The following PARP11 variants were observed in gnomAD, a reference collection of about 807,000 sequenced individuals.
The protein encoded by PARP11 is protein mono-ADP-ribosyltransferase PARP11.
A neutral mutation model predicts 42.9 loss-of-function variants in PARP11; 31 were observed. That is an observed-to-expected ratio of 0.72 (90% confidence interval 0.54 to 0.98). PARP11 has a LOEUF of 0.98. Ranked by LOEUF, PARP11 falls within the 50% of genes least tolerant of loss-of-function variation. The pLI, the probability that PARP11 is intolerant of heterozygous loss-of-function variation, is 0.00. For missense variants in PARP11, 365 were observed against 413.1 expected, an observed-to-expected ratio of 0.88 and a Z score of 1.01; for synonymous variants, 137 against 127.3, an observed-to-expected ratio of 1.08 and a Z score of -0.51.
At chr12:3,829,069 C>A in intron 2 of PARP11, 39 bp from the exon 3 acceptor site, 2 of 1,610,832 alleles carry the variant, frequency 1.2e-6, no homozygotes, top group South Asian at 2.2e-5. Flanking sequence ...ACCAGCTGTT[C>A]ACATTAATGA....
At chr12:3,839,537 T>C in intron 1 of PARP11, 2 of 1,571,012 alleles carry the variant, frequency 1.3e-6, no homozygotes, top group Non-Finnish European at 1.8e-6. Context: ...AGAGAGAAAT[T>C]TGAAGCGATT....
intron 1 of PARP11, among the ~76,000 whole-genome samples, chr12:3,870,951 AC>A (rs1948466952): frequency 6.6e-6 from 1 of 152,254 alleles, no homozygotes; most frequent in Non-Finnish European, 1.5e-5. Flanking sequence ...AAAATCAAAT[AC>A]AAGTAATTAC....
At chr12:3,833,822 C>T (rs763230070) in intron 1 of PARP11, among the ~76,000 whole-genome samples, 6 of 152,114 alleles carry the variant, frequency 3.9e-5, no homozygotes, top group African/African-American at 9.7e-5. Flanking sequence ...CCTCTACCTG[C>T]GGTATATGTA....
intron 1 of PARP11, among the ~76,000 whole-genome samples, chr12:3,838,364 A>T (rs1947807351): frequency 6.6e-6 from 1 of 152,154 alleles, no homozygotes; most frequent in African/African-American, 2.4e-5. Context: ...CTAGCCAATG[A>T]AGAAATTAAG....
At chr12:3,858,969 C>T (rs763816578) in intron 1 of PARP11, among the ~76,000 whole-genome samples, 6 of 151,088 alleles carry the variant, frequency 4.0e-5, no homozygotes, top group Non-Finnish European at 7.4e-5. Context: ...TGGTGGTAGG[C>T]GCCTGTAATC....
In PARP11 at chr12:3,821,994, G is replaced by A; in HGVS notation, c.427C>T (p.Leu143=). 6.2e-7 allele frequency: 1 copy of A among 1,608,708 alleles called. No individual in the cohort carries two copies. Among genetic ancestry groups the A allele is most frequent in the Non-Finnish European group, 8.5e-7 (1 of 1,178,060 alleles). Residue 143 remains leucine, a synonymous_variant, in exon 6 of 8, where the codon CTG becomes TTG. Coordinates refer to ENST00000228820, the MANE Select transcript of PARP11 (RefSeq NM_020367.6). The part of the protein sequence containing the change: ...NTQVPYQLIP[L]HNQTHEYNEV... Reference sequence around the variant, plus strand: ...TTATATTCATGTGTTTGATTGTGCAGAGGAATAAGCTGGAAAAATAAATTT... The same window carrying A: ...TTATATTCATGTGTTTGATTGTGCAAAGGAATAAGCTGGAAAAATAAATTT...
chr12:3,834,002 C>A (rs901770725), intron 1 of PARP11, among the ~76,000 whole-genome samples: 3 of 152,150 alleles, frequency 2.0e-5, no homozygotes, highest in African/African-American at 7.2e-5. Context: ...CCTACACAGC[C>A]CCCATTCAAA....
chr12:3,826,972 T>C (rs1028903229), intron 3 of PARP11, among the ~76,000 whole-genome samples: 5 of 152,356 alleles, frequency 3.3e-5, no homozygotes, highest in East Asian at 3.9e-4. Flanking sequence ...AAAATGATTA[T>C]GTTTACCCAC....
At chr12:3,841,708 C>A (rs1947891924) in intron 1 of PARP11, 2 of 1,612,912 alleles carry the variant, frequency 1.2e-6, no homozygotes, top group East Asian at 4.5e-5. Flanking sequence ...TGGACCCAAT[C>A]CATTCTTAGG....
At chr12:3,824,293 T>C (rs1245620971) in intron 4 of PARP11, among the ~76,000 whole-genome samples, 2 of 152,224 alleles carry the variant, frequency 1.3e-5, no homozygotes, top group Non-Finnish European at 1.5e-5. Context: ...TAAAAGTACT[T>C]CATATAATAT....
intron 6 of PARP11, among the ~76,000 whole-genome samples, chr12:3,817,294 T>TG (rs1185929580): frequency 6.6e-6 from 1 of 151,934 alleles, no homozygotes; most frequent in African/African-American, 2.4e-5. Context: ...AAATAAACTG[T>TG]GGGTTAAAGG....
chr12:3,826,393 C>T (rs1043257842), intron 3 of PARP11, among the ~76,000 whole-genome samples, 160 bp from the exon 4 acceptor site: 3 of 152,232 alleles, frequency 2.0e-5, no homozygotes, highest in African/African-American at 7.2e-5. Context: ...ATGCAGCTAG[C>T]TATGTACCAC....
At chr12:3,825,647 A>C (rs902388396) in intron 4 of PARP11, among the ~76,000 whole-genome samples, 1 of 152,244 alleles carries the variant, frequency 6.6e-6, no homozygotes, top group African/African-American at 2.4e-5. Flanking sequence ...GAAAAGGATA[A>C]CATGAAAGGA....
At chr12:3,813,929 A>ATATATTTG (rs1947231706) in intron 7 of PARP11, 108 bp downstream of exon 7, 2 of 707,204 alleles carry the variant, frequency 2.8e-6, no homozygotes, top group Non-Finnish European at 4.4e-6. Context: ...TTGTTTTATC[A>ATATATTTG]TTCTCTATAT....
intron 1 of PARP11, among the ~76,000 whole-genome samples, chr12:3,846,663 A>T (rs117755625): frequency 6.6e-6 from 1 of 151,956 alleles, no homozygotes; most frequent in Non-Finnish European, 1.5e-5. Flanking sequence ...AGGCTGAATC[A>T]GGAAAATGGC....
At position 3,840,648 on chromosome 12, in the gene PARP11, A is replaced by C; in HGVS notation, c.19-10630T>G. ...TCTCAGAGTAGCAATCCATGTGTCCAGAGAAAATCATCACACGTAAGTGAT... is the reference window on the plus strand; with the variant it reads ...TCTCAGAGTAGCAATCCATGTGTCCCGAGAAAATCATCACACGTAAGTGAT... On this transcript the variant is annotated intron_variant, in intron 1 of 7. Transcript: ENST00000228820. The surrounding 1 kb of genome is among the most constrained non-coding windows in gnomAD (Gnocchi z 4.4). 4 of 1,202,878 alleles carry C rather than the reference A, an allele frequency of 3.3e-6. No individual in the cohort carries two copies. Among genetic ancestry groups the C allele is most frequent in the Non-Finnish European group, 5.0e-6 (4 of 804,418 alleles). The allele number at this position is 1,202,878 out of a possible 1,614,324, so 74.5% of individuals were successfully genotyped here.
intron 1 of PARP11, among the ~76,000 whole-genome samples, chr12:3,851,786 A>C (rs887785113): frequency 6.6e-6 from 1 of 152,216 alleles, no homozygotes; most frequent in Non-Finnish European, 1.5e-5. Flanking sequence ...TTTGAGCTCC[A>C]AGAATGGACA....
At position 3,873,314 on chromosome 12, in the gene PARP11, G is replaced by GT. The variant is rs1468421578; in HGVS notation, c.-86dup. 5.3e-6 allele frequency: 7 copies of GT among 1,321,754 alleles called. No homozygotes were observed. The highest frequency in any genetic ancestry group is 7.5e-6 in the Non-Finnish European group (7 of 938,688). 81.9% of individuals were successfully genotyped at this position (1,321,754 alleles called of 1,614,324 possible). On this transcript the variant is annotated 5_prime_UTR_variant, in exon 1 of 8. Transcript: ENST00000228820. ...TGTTGGATTTTTTTTTTTCCCGCGG[G>GT]TCCCCGGGAGCGAAGGGACGGAGAT...
chr12:3,814,273 T>G (rs959797617), intron 6 of PARP11, 85 bp from the exon 7 acceptor site: 2 of 1,088,466 alleles, frequency 1.8e-6, no homozygotes, highest in African/African-American at 1.6e-5. Flanking sequence ...CAAGGTTCAA[T>G]AGAAAGCGTA....
Sources: allele counts gnomAD v4.1 joint callset (sites outside exome capture counted in the v4.1 genomes callset), GRCh38; gene constraint gnomAD v4.1.1; non-coding constraint Gnocchi (gnomAD v3.1); transcripts MANE v1.5; gene names NCBI Gene and HGNC (gene_info 2026-07-23, HGNC 2026-07-21).